The following GRM4 variants were observed in gnomAD, a reference collection of about 807,000 sequenced individuals.
GRM4 encodes metabotropic glutamate receptor 4.
A neutral mutation model predicts 81.7 loss-of-function variants in GRM4; 28 were observed. The observed-to-expected ratio is 0.34, with a 90% CI of 0.25 to 0.47. GRM4 has a LOEUF of 0.47. Ranked by LOEUF, GRM4 falls within the 20% of genes least tolerant of loss-of-function variation. GRM4 has a pLI of 1.00. For synonymous variants in GRM4, 488 were observed against 528.8 expected, an observed-to-expected ratio of 0.92 and a Z score of 1.06; for missense variants, 948 against 1,290.0, an observed-to-expected ratio of 0.73 and a Z score of 4.06.
intron 3 of GRM4, among the ~76,000 whole-genome samples, chr6:34,065,679 CATCCCGGCCA>C (rs1766421992): frequency 6.6e-6 from 1 of 152,148 alleles, no homozygotes; most frequent in East Asian, 1.9e-4. Flanking sequence ...CAAGCTCTGC[CATCCCGGCCA>C]AGCTGGTGCG....
chr6:34,056,439 C>CAGACAAAG (rs1354277369), intron 6 of GRM4, 105 bp downstream of exon 6: 1 of 1,069,336 alleles, frequency 9.4e-7, no homozygotes, highest in Non-Finnish European at 1.3e-6. Flanking sequence ...CTGCCACGGC[C>CAGACAAAG]GGCCGACGAC....
intron 2 of GRM4, chr6:34,100,076 A>C (rs1005218730): frequency 1.5e-4 from 144 of 982,566 alleles, no homozygotes; most frequent in Non-Finnish European, 1.7e-4. Flanking sequence ...TGCCCTGAGC[A>C]TCTGGTCACT....
intron 3 of GRM4, 31 bp downstream of exon 3, chr6:34,091,852 G>C: frequency 6.6e-7 from 1 of 1,516,692 alleles, no homozygotes; most frequent in Non-Finnish European, 9.1e-7. Context: ...CCCGAGCCTG[G>C]CATGACTCTG....
intron 1 of GRM4, chr6:34,154,965 G>C: frequency 3.6e-6 from 3 of 826,396 alleles, no homozygotes; most frequent in Non-Finnish European, 5.1e-6. Flanking sequence ...CCCAGCGGCC[G>C]GGCCTGGGGC....
At position 34,062,039 on chromosome 6, in the gene GRM4, G is replaced by A; in HGVS notation, c.737-11C>T. ...CGATGCACACGCCCCCTGCAGGAGG[G>A]GCACCAGTTAGTTGGGGTGGGCAGG... On this transcript the variant is annotated splice_polypyrimidine_tract_variant and intron_variant, in intron 3 of 10. Coordinates refer to ENST00000538487, the MANE Select transcript of GRM4 (RefSeq NM_000841.4). 1 of 1,602,662 alleles carries A rather than the reference G, an allele frequency of 6.2e-7. No individual in the cohort carries two copies. The highest frequency in any genetic ancestry group is 8.5e-7 in the Non-Finnish European group (1 of 1,171,492).
intron 1 of GRM4, among the ~76,000 whole-genome samples, chr6:34,153,533 T>G (rs984674052): frequency 6.6e-6 from 1 of 152,198 alleles, no homozygotes; most frequent in African/African-American, 2.4e-5. Context: ...TGGCTGACGC[T>G]CTCCTGTGAG....
intron 4 of GRM4, 150 bp downstream of exon 4, chr6:34,061,743 C>T (rs1766189095): frequency 1.3e-6 from 1 of 749,624 alleles, no homozygotes; most frequent in Admixed American, 2.3e-5. Context: ...GTGGGTCTCC[C>T]TGCCCACATA....
At chr6:34,023,958 G>A (rs9469684) in intron 10 of GRM4, among the ~76,000 whole-genome samples, 4 of 152,116 alleles carry the variant, frequency 2.6e-5, no homozygotes. Context: ...GCTGATCTGC[G>A]AGTCTGGAGA....
chr6:34,118,817 C>A lies in GRM4; in HGVS notation c.519+14161G>T, dbSNP rs74767264. ...AGCAAACAAAAGCAAAGGAAAAACC[C>A]ACCTCCTGGTTCAACAGCAAAATTG... On this transcript the variant is annotated intron_variant, in intron 2 of 10. Coordinates refer to ENST00000538487, the MANE Select transcript of GRM4 (RefSeq NM_000841.4). Among the ~76,000 whole-genome samples, 1,379 of 152,296 alleles carry A rather than the reference C, an allele frequency of 9.1e-3. 22 individuals carry two copies. The highest frequency in any genetic ancestry group is 0.029 in the African/African-American group (1,225 of 41,556).
At chr6:34,144,754 C>A (rs958977592) in intron 1 of GRM4, among the ~76,000 whole-genome samples, 5 of 152,182 alleles carry the variant, frequency 3.3e-5, no homozygotes, top group African/African-American at 1.2e-4. Flanking sequence ...GCCGCCGCCC[C>A]CACCTGAAAG....
intron 3 of GRM4, among the ~76,000 whole-genome samples, chr6:34,073,924 G>T (rs550171274): frequency 6.6e-6 from 1 of 152,208 alleles, no homozygotes; most frequent in African/African-American, 2.4e-5. Flanking sequence ...ACTGGCTGGG[G>T]TGACCATGGA....
At position 34,074,520 on chromosome 6, in the gene GRM4, G is replaced by C. The variant is rs936419187; in HGVS notation, c.737-12492C>G. Among the ~76,000 whole-genome samples, 11 of 138,722 alleles carry C rather than the reference G, an allele frequency of 7.9e-5. No homozygotes were observed. The highest frequency in any genetic ancestry group is 2.8e-4 in the Admixed American group (4 of 14,426). 91.0% of individuals were successfully genotyped at this position (138,722 alleles called of 152,430 possible). ...CGCAGGCAGTGTGGCTCAGAGCTGA[G>C]CCCTGCCGTCCCCTGCCAGGAGAGG... is the stretch of plus-strand genomic sequence containing the variant. On this transcript the variant is annotated intron_variant, in intron 3 of 10. Coordinates refer to ENST00000538487, the MANE Select transcript of GRM4 (RefSeq NM_000841.4). This position sits in a 1 kb window ranked among gnomAD's most constrained non-coding sequence, Gnocchi z 4.9.
Position 34,095,285 on chromosome 6 carries a change from G to A in GRM4, c.520-3186C>T, listed in dbSNP as rs1026482062. On this transcript the variant is annotated intron_variant, in intron 2 of 10. Transcript: ENST00000538487. ...TCCCGGGGATAAGCCAGCCTCCTGC[G>A]ATGTGTCCACCTGCCAGCCTCTCCT... 3.3e-5 allele frequency among the ~76,000 whole-genome samples: 5 copies of A among 152,220 alleles called. No homozygotes were observed. In the South Asian group the frequency reaches 6.2e-4, roughly 19 times the overall value.
At chr6:34,046,600 T>A (rs1359139087) in intron 6 of GRM4, among the ~76,000 whole-genome samples, 1 of 152,168 alleles carries the variant, frequency 6.6e-6, no homozygotes, top group Non-Finnish European at 1.5e-5. Context: ...TCCACAGGGA[T>A]AAATGCTCCA....
intron 3 of GRM4, 29 bp downstream of exon 3, chr6:34,091,854 A>ATGACTCTGCGGCCAGGCGTT: frequency 6.6e-7 from 1 of 1,521,222 alleles, no homozygotes; most frequent in African/African-American, 1.4e-5. Flanking sequence ...CGAGCCTGGC[A>ATGACTCTGCGGCCAGGCGTT]TGACTCTGCG....
In GRM4 at chr6:34,020,640, G is replaced by A. The variant is rs1429179914; in HGVS notation, c.*2181C>T. 1 of 151,842 alleles carries A rather than the reference G, an allele frequency of 6.6e-6. No individual in the cohort carries two copies. Among genetic ancestry groups the A allele is most frequent in the Non-Finnish European group, 1.5e-5 (1 of 68,028 alleles). The allele number at this position is 151,842 out of a possible 1,614,324, so 9.4% of individuals were successfully genotyped here. A position where few individuals can be genotyped will look rare whatever the true frequency, so the allele number is the denominator to read the frequency against. On this transcript the variant is annotated 3_prime_UTR_variant, in exon 11 of 11. Coordinates refer to ENST00000538487, the MANE Select transcript of GRM4 (RefSeq NM_000841.4). ...CTGGGTGGAATCTTTCCTGGGCAGA[G>A]GTCTTAGGAACCATTCCGCAAGATG...
intron 5 of GRM4, among the ~76,000 whole-genome samples, chr6:34,057,021 C>G (rs1765931883): frequency 6.6e-6 from 1 of 152,146 alleles, no homozygotes; most frequent in Admixed American, 6.5e-5. Context: ...GATTACAGCA[C>G]AGAGGCTGGT....
chr6:34,142,823 GA>G (rs1485957500), intron 1 of GRM4, among the ~76,000 whole-genome samples: 5 of 152,198 alleles, frequency 3.3e-5, no homozygotes, highest in South Asian at 2.1e-4. Flanking sequence ...GAGGAGGGAG[GA>G]GGGGGGGAGG....
rs1399100913 is a variant in GRM4, at chr6:34,152,571, C to T, written c.312+2508G>A. Among the ~76,000 whole-genome samples, 1 of 152,088 alleles carries T rather than the reference C, an allele frequency of 6.6e-6. No individual in the cohort carries two copies. The highest frequency in any genetic ancestry group is 1.9e-4 in the East Asian group (1 of 5,188). ...CAGCTTTCTCCCTCTCTTCCTGTAC[C>T]CACCTCCCAGCAACCGACCCATCAC... On this transcript the variant is annotated intron_variant, in intron 1 of 8. Transcript: ENST00000374177. The surrounding 1 kb of genome is among the most constrained non-coding windows in gnomAD (Gnocchi z 4.1).
Sources: gnomAD v4.1 joint callset for allele counts (sites outside exome capture counted in the v4.1 genomes callset) on GRCh38, gnomAD v4.1.1 for gene constraint, Gnocchi (gnomAD v3.1) non-coding constraint, MANE v1.5 for transcripts, NCBI Gene and HGNC (gene_info 2026-07-23, HGNC 2026-07-21) for gene names.